ARHGAP39: variants seen among roughly 807,000 people sequenced by gnomAD.
The protein encoded by ARHGAP39 is Rho GTPase activating protein 39.
In ARHGAP39, 44 loss-of-function variants were observed where a neutral mutation model predicts 106.9. The observed-to-expected ratio is 0.41, with a 90% confidence interval of 0.32 to 0.53. ARHGAP39 has a LOEUF of 0.53. Ranked by LOEUF, ARHGAP39 falls within the 20% of genes least tolerant of loss-of-function variation. The pLI, the probability that ARHGAP39 is intolerant of heterozygous loss-of-function variation, is 0.21. For synonymous variants in ARHGAP39, 768 were observed against 693.2 expected, an observed-to-expected ratio of 1.11 and a Z score of -1.69; for missense variants, 1,496 against 1,577.3, an observed-to-expected ratio of 0.95 and a Z score of 0.87.
Position 144,530,120 on chromosome 8 carries a change from G to A in ARHGAP39, c.*302C>T. ...GGCCCCAAGGAGGCAGCGTCGCTCG[G>A]CTCCAGGACACAGAAGGCACTTTCT... On this transcript the variant is annotated 3_prime_UTR_variant, in exon 12 of 12. Coordinates refer to ENST00000377307, the MANE Select transcript of ARHGAP39 (RefSeq NM_025251.3). 9.9e-6 allele frequency: 4 copies of A among 405,998 alleles called. No homozygotes were observed. The South Asian group carries it at 1.3e-4, about 14-fold the overall frequency. 25.1% of individuals were successfully genotyped at this position (405,998 alleles called of 1,614,324 possible).
Position 144,545,609 on chromosome 8 carries a change from C to T in ARHGAP39, c.2161G>A (p.Ala721Thr). 6.2e-7 allele frequency: 1 copy of T among 1,613,754 alleles called. No individual in the cohort carries two copies. The highest frequency in any genetic ancestry group is 8.5e-7 in the Non-Finnish European group (1 of 1,180,010). The part of the protein sequence containing the change: ...RRKVSIANML[A>T]WSSESIKKPM... Reference sequence around the variant, plus strand: ...TTCTTGATGGACTCGCTGCTCCAGGCCAGCATGTTGGCGATGGACACCTTC... The same window carrying T: ...TTCTTGATGGACTCGCTGCTCCAGGTCAGCATGTTGGCGATGGACACCTTC... Residue 721 changes from alanine (A) to threonine (T), a missense_variant, in exon 6 of 12, where the codon GCC becomes ACC. Physicochemically the swap from Ala to Thr is moderately conservative, Grantham distance 58. Coordinates refer to ENST00000377307, the MANE Select transcript of ARHGAP39 (RefSeq NM_025251.3).
intron 3 of ARHGAP39, among the ~76,000 whole-genome samples, chr8:144,563,575 C>T (rs982116275): frequency 4.6e-5 from 7 of 151,526 alleles, no homozygotes; most frequent in African/African-American, 9.7e-5. Flanking sequence ...TCACTTGAGA[C>T]GAGGAGTTCA....
intron 7 of ARHGAP39, among the ~76,000 whole-genome samples, chr8:144,536,527 T>A (rs1816961548): frequency 1.3e-5 from 2 of 152,186 alleles, no homozygotes; most frequent in African/African-American, 4.8e-5. Flanking sequence ...CCAGCTCAGG[T>A]AGGAGCGCAA....
At chr8:144,576,135 G>C (rs1048217939) in intron 3 of ARHGAP39, among the ~76,000 whole-genome samples, 2 of 151,908 alleles carry the variant, frequency 1.3e-5, no homozygotes, top group African/African-American at 4.8e-5. Context: ...ATCGAGACCA[G>C]CCCAGCCACC....
At chr8:144,537,406 C>T (rs560793393) in intron 7 of ARHGAP39, among the ~76,000 whole-genome samples, 1 of 152,186 alleles carries the variant, frequency 6.6e-6, no homozygotes, top group African/African-American at 2.4e-5. Flanking sequence ...GGGGGTCAGG[C>T]CCAAACACTC....
intron 1 of ARHGAP39, among the ~76,000 whole-genome samples, chr8:144,633,073 G>C (rs1199940838): frequency 6.6e-6 from 1 of 152,022 alleles, no homozygotes; most frequent in Admixed American, 6.6e-5. Context: ...GCCTGGGGAG[G>C]TGGAGGCTGC....
Position 144,581,187 on chromosome 8 carries a change from G to T in ARHGAP39, c.171C>A (p.Ala57=). ...VTGECVWDPP[A]GVRIKRTSEN... ...CGCTGGTGCGCTTGATGCGGACGCC[G>T]GCCGGCGGGTCCCACACGCACTCAC... Residue 57 remains alanine, a synonymous_variant, in exon 3 of 12, where the codon GCC becomes GCA. Coordinates refer to ENST00000377307, the MANE Select transcript of ARHGAP39 (RefSeq NM_025251.3). The T allele has an allele frequency of 6.4e-7, 1 of 1,561,132 alleles. No homozygotes were observed. The highest frequency in any genetic ancestry group is 1.4e-5 in the African/African-American group (1 of 74,032).
At position 144,623,631 on chromosome 8, in the gene ARHGAP39, G is replaced by C. The variant is rs945681585; in HGVS notation, c.-81-17936C>G. On this transcript the variant is annotated intron_variant, in intron 1 of 11. Transcript: ENST00000377307. Reference sequence around the variant, plus strand: ...ACCCGACGTCTGCAGCGACAGAGGAGATGGTACAAGAAGCCTTGCTTTACC... The same window carrying C: ...ACCCGACGTCTGCAGCGACAGAGGACATGGTACAAGAAGCCTTGCTTTACC... Among the ~76,000 whole-genome samples the C allele has an allele frequency of 3.3e-5, 5 of 152,232 alleles. No individual in the cohort carries two copies. The East Asian group carries it at 9.6e-4, about 29-fold the overall frequency.
chr8:144,580,015 G>A (rs774193237), intron 3 of ARHGAP39, among the ~76,000 whole-genome samples: 58 of 151,412 alleles, frequency 3.8e-4, no homozygotes, highest in Middle Eastern at 3.4e-3. Flanking sequence ...CTGGCCTGCC[G>A]CCTGCCTCAG....
intron 6 of ARHGAP39, among the ~76,000 whole-genome samples, chr8:144,540,747 C>T (rs1029350528): frequency 2.0e-5 from 3 of 152,154 alleles, no homozygotes; most frequent in Admixed American, 1.3e-4. Flanking sequence ...CTACAGTGAG[C>T]AGTGACGTCA....
At chr8:144,635,145 A>G (rs1025321579) in intron 1 of ARHGAP39, among the ~76,000 whole-genome samples, 2 of 152,234 alleles carry the variant, frequency 1.3e-5, no homozygotes, top group East Asian at 1.9e-4. Flanking sequence ...TGTTTTGTAC[A>G]TTAGTGAGTT....
rs369438966 is a variant in ARHGAP39, at chr8:144,532,272, C to A, written c.2980+33G>T. The A allele has an allele frequency of 4.4e-6, 7 of 1,605,012 alleles. No individual in the cohort carries two copies. In the African/African-American group the frequency reaches 9.4e-5, roughly 21 times the overall value. On this transcript the variant is annotated intron_variant, in intron 10 of 11. Transcript: ENST00000377307. Reference sequence around the variant, plus strand: ...CCTGAGAACCACTGCCTGAGCCAGGCCCGCTCTGCTGCAGCGTGTGTGGGG... The same window carrying A: ...CCTGAGAACCACTGCCTGAGCCAGGACCGCTCTGCTGCAGCGTGTGTGGGG...
chr8:144,530,157 C>T lies in ARHGAP39; in HGVS notation c.*265G>A, dbSNP rs1368965681. ...AGAAGGCACTTTCTCGGAGCTGACC[C>T]GCGGCCAGCGGAGGGCGAGGCGGTG... On this transcript the variant is annotated 3_prime_UTR_variant, in exon 12 of 12. Coordinates refer to ENST00000377307, the MANE Select transcript of ARHGAP39 (RefSeq NM_025251.3). 11 of 513,524 alleles carry T rather than the reference C, an allele frequency of 2.1e-5. No homozygotes were observed. In the East Asian group the frequency reaches 3.4e-4, roughly 16 times the overall value. 31.8% of individuals were successfully genotyped at this position (513,524 alleles called of 1,614,324 possible). A position where few individuals can be genotyped will look rare whatever the true frequency, so the allele number is the denominator to read the frequency against.
At chr8:144,668,286 C>G (rs1822013452) in intron 1 of ARHGAP39, among the ~76,000 whole-genome samples, 1 of 151,904 alleles carries the variant, frequency 6.6e-6, no homozygotes, top group Admixed American at 6.6e-5. Flanking sequence ...TACAAAAATA[C>G]AAAAATTAGC....
In ARHGAP39 at chr8:144,605,683, G is replaced by A; in HGVS notation, c.-69C>T. ...ATACGCACAACGCCAGCATCAGACGGGAAGGTGCCGCACTGCAAGAGGGGA... is the reference window on the plus strand; with the variant it reads ...ATACGCACAACGCCAGCATCAGACGAGAAGGTGCCGCACTGCAAGAGGGGA... On this transcript the variant is annotated 5_prime_UTR_variant, in exon 2 of 12. Transcript: ENST00000377307. 1.3e-6 allele frequency: 2 copies of A among 1,508,386 alleles called. No homozygotes were observed. The highest frequency in any genetic ancestry group is 1.7e-5 in the Admixed American group (1 of 59,458). The allele number at this position is 1,508,386 out of a possible 1,614,324, so 93.4% of individuals were successfully genotyped here. A position where few individuals can be genotyped will look rare whatever the true frequency, so the allele number is the denominator to read the frequency against.
intron 1 of ARHGAP39, among the ~76,000 whole-genome samples, chr8:144,680,583 C>T (rs538952189): frequency 6.7e-4 from 102 of 152,022 alleles, no homozygotes; most frequent in African/African-American, 2.4e-3. Flanking sequence ...CTACAATGTA[C>T]GTACAACTGA....
intron 1 of ARHGAP39, among the ~76,000 whole-genome samples, chr8:144,683,011 T>C (rs892600109): frequency 6.6e-5 from 10 of 151,922 alleles, no homozygotes; most frequent in African/African-American, 2.2e-4. Context: ...AGTGAGACCC[T>C]GTCTCAAAAA....
Position 144,533,345 on chromosome 8 carries a change from G to T in ARHGAP39, c.2689-20C>A, listed in dbSNP as rs769509660. 1.2e-6 allele frequency: 2 copies of T among 1,606,822 alleles called. No individual in the cohort carries two copies. The highest frequency in any genetic ancestry group is 3.3e-5 in the Admixed American group (2 of 59,860). On this transcript the variant is annotated intron_variant, in intron 8 of 11. Transcript: ENST00000377307. ...CAGCCCCTGTGAAGACAGAGGCTCC[G>T]TCCTGGTCTGGCCTGGCCATCCTCA...
chr8:144,605,491 A>C (rs768471607), intron 2 of ARHGAP39, 44 bp downstream of exon 2: 13 of 1,594,178 alleles, frequency 8.2e-6, no homozygotes, highest in Non-Finnish European at 1.1e-5. Context: ...AGTTCCACCC[A>C]CTCGTGAGGC....
Sources: allele counts gnomAD v4.1 joint callset (sites outside exome capture counted in the v4.1 genomes callset), GRCh38; gene constraint gnomAD v4.1.1; transcripts MANE v1.5; gene names NCBI Gene and HGNC (gene_info 2026-07-23, HGNC 2026-07-21).